CSMD1: variants seen among roughly 807,000 people sequenced by gnomAD.
The protein encoded by CSMD1 is CUB and sushi domain-containing protein 1.
A neutral mutation model predicts 417.5 loss-of-function variants in CSMD1; 213 were observed. That is an observed-to-expected ratio of 0.51 (90% CI 0.46 to 0.57). The LOEUF (loss-of-function observed/expected upper bound fraction) is 0.57, where lower values mean the gene tolerates loss of function less well. CSMD1 is among the 20% of genes least tolerant of loss of function. The pLI is 0.00. For missense variants in CSMD1, 6,923 were observed against 4,529.7 expected (o/e 1.53, Z -15.17); for synonymous variants, 2,862 against 1,736.8 (o/e 1.65, Z -16.11).
Position 4,342,788 on chromosome 8 carries a change from C to T in CSMD1, c.415+77165G>A, listed in dbSNP as rs117089196. On this transcript the variant is annotated intron_variant, in intron 3 of 69. Transcript: ENST00000635120. ...AGAAAAATAATACAAGCTCAAGGGA[C>T]TTGGAAAGGTGGTTCGTTCCTGCCA... Among the ~76,000 whole-genome samples the T allele has an allele frequency of 1.8e-3, 279 of 152,062 alleles. 5 individuals are homozygous for T. In the East Asian group the frequency reaches 0.05, roughly 27 times the overall value.
chr8:4,196,853 C>G (rs1799367993), intron 3 of CSMD1, among the ~76,000 whole-genome samples: 1 of 152,094 alleles, frequency 6.6e-6, no homozygotes. Context: ...CCTGCACATG[C>G]CTTCATAGAA....
intron 7 of CSMD1, among the ~76,000 whole-genome samples, chr8:3,701,936 G>T (rs984600163): frequency 1.3e-5 from 2 of 152,076 alleles, no homozygotes; most frequent in African/African-American, 4.8e-5. Context: ...TGTCTCTTTG[G>T]AAACTAGGGG....
intron 7 of CSMD1, among the ~76,000 whole-genome samples, chr8:3,678,832 T>G (rs1274969850): frequency 6.6e-6 from 1 of 152,168 alleles, no homozygotes; most frequent in Non-Finnish European, 1.5e-5. Flanking sequence ...GACTAACAGC[T>G]GATCTCTCAG....
chr8:3,387,599 A>T lies in CSMD1; in HGVS notation c.2677T>A (p.Ser893Thr), dbSNP rs1388953725. The change falls in exon 18 of 70, where the codon TCC becomes ACC. Residue 893 changes from serine (S) to threonine (T), a missense_variant. Coordinates refer to ENST00000635120, the MANE Select transcript of CSMD1 (RefSeq NM_033225.6). ...GGGTCACAGCTGAAAGTCACTGTGG[A>T]CCTGATGCCAAAGTCTCCACCGTGG... ...HRHGGDFGIRSTVTFSCDPGY... is the reference protein window; with the variant it reads ...HRHGGDFGIRTTVTFSCDPGY... 1 of 1,601,354 alleles carries T rather than the reference A, an allele frequency of 6.2e-7. No homozygotes were observed. The highest frequency in any genetic ancestry group is 1.7e-5 in the Admixed American group (1 of 58,368).
chr8:4,083,816 G>A (rs1428351400), intron 3 of CSMD1, among the ~76,000 whole-genome samples: 2 of 152,120 alleles, frequency 1.3e-5, no homozygotes, highest in Admixed American at 6.5e-5. Context: ...AAAAGCAATG[G>A]CAACAAAAGC....
chr8:3,956,125 G>T (rs1268927819), intron 5 of CSMD1, among the ~76,000 whole-genome samples: 1 of 152,160 alleles, frequency 6.6e-6, no homozygotes, highest in Non-Finnish European at 1.5e-5. Flanking sequence ...TTTAAGTTCT[G>T]ACCAGATCCT....
intron 3 of CSMD1, among the ~76,000 whole-genome samples, chr8:4,051,919 T>C (rs1193366220): frequency 4.0e-5 from 6 of 150,822 alleles, no homozygotes; most frequent in Admixed American, 6.6e-5. Flanking sequence ...TTCCTTTCTT[T>C]CTTTTTCTTT....
intron 3 of CSMD1, among the ~76,000 whole-genome samples, chr8:4,237,990 G>A (rs906123579): frequency 1.3e-5 from 2 of 152,204 alleles, no homozygotes; most frequent in Non-Finnish European, 2.9e-5. Context: ...ACAGAGGCAT[G>A]CACAGGCCTA....
chr8:3,577,559 AT>A (rs1800204791), intron 9 of CSMD1, among the ~76,000 whole-genome samples: 1 of 152,178 alleles, frequency 6.6e-6, no homozygotes, highest in Non-Finnish European at 1.5e-5. Flanking sequence ...TGATTTGTTC[AT>A]TTGTTTAACT....
intron 49 of CSMD1, among the ~76,000 whole-genome samples, chr8:3,069,359 T>C (rs1365016875): frequency 1.3e-5 from 2 of 150,394 alleles, no homozygotes; most frequent in Non-Finnish European, 1.5e-5. Context: ...CACTTGAAAC[T>C]GGAAGGTGGA....
At chr8:4,958,374 T>G (rs1253225548) in intron 1 of CSMD1, among the ~76,000 whole-genome samples, 1 of 152,138 alleles carries the variant, frequency 6.6e-6, no homozygotes, top group Non-Finnish European at 1.5e-5. Context: ...ACCCACCTAT[T>G]TTAAAACAAT....
In CSMD1 at chr8:4,267,103, G is replaced by C. The variant is rs1250539632; in HGVS notation, c.415+152850C>G. ...GTTTACTTCAATGTTATTTTTTTTTGAAAGTGCTTTCTAATGCAATTAGTT... is the reference window on the plus strand; with the variant it reads ...GTTTACTTCAATGTTATTTTTTTTTCAAAGTGCTTTCTAATGCAATTAGTT... On this transcript the variant is annotated intron_variant, in intron 3 of 69. Coordinates refer to ENST00000635120, the MANE Select transcript of CSMD1 (RefSeq NM_033225.6). 2.0e-5 allele frequency among the ~76,000 whole-genome samples: 2 copies of C among 101,694 alleles called. 1 individual carries two copies. Among genetic ancestry groups the C allele is most frequent in the African/African-American group, 5.3e-5 (2 of 37,722 alleles). The allele number at this position is 101,694 out of a possible 152,430, so 66.7% of individuals were successfully genotyped here.
intron 3 of CSMD1, among the ~76,000 whole-genome samples, chr8:4,153,318 C>T (rs12114710): frequency 9.1e-4 from 139 of 152,272 alleles, no homozygotes; most frequent in African/African-American, 2.9e-3. Context: ...TTCTCACTTC[C>T]GACATTGCCC....
At chr8:4,157,021 T>C (rs940741134) in intron 3 of CSMD1, among the ~76,000 whole-genome samples, 5 of 152,128 alleles carry the variant, frequency 3.3e-5, no homozygotes, top group East Asian at 1.9e-4. Context: ...TGGCCAGGCA[T>C]TGAGGGGCAT....
intron 2 of CSMD1, among the ~76,000 whole-genome samples, chr8:4,602,678 A>G (rs1247025317): frequency 6.6e-6 from 1 of 152,184 alleles, no homozygotes; most frequent in Non-Finnish European, 1.5e-5. Flanking sequence ...TTGGCTTGAA[A>G]TGACTTAATT....
chr8:3,545,335 T>C (rs1365553521), intron 10 of CSMD1, among the ~76,000 whole-genome samples: 1 of 152,236 alleles, frequency 6.6e-6, no homozygotes, highest in African/African-American at 2.4e-5. Context: ...CTACATAAAC[T>C]GGTAGCTTTA....
intron 3 of CSMD1, among the ~76,000 whole-genome samples, chr8:4,356,437 T>G (rs566195368): frequency 6.6e-6 from 1 of 152,214 alleles, no homozygotes; most frequent in Admixed American, 6.5e-5. Context: ...TAAACATGCA[T>G]GTACAAGTAT....
intron 7 of CSMD1, among the ~76,000 whole-genome samples, chr8:3,632,600 C>T (rs1345482158): frequency 1.3e-5 from 2 of 152,114 alleles, no homozygotes; most frequent in Non-Finnish European, 2.9e-5. Context: ...GGATTTACTA[C>T]CTAAATGTAA....
chr8:3,616,947 A>G (rs1802170344), intron 7 of CSMD1, 150 bp from the exon 8 acceptor site: 1 of 493,312 alleles, frequency 2.0e-6, no homozygotes, highest in Non-Finnish European at 3.6e-6. Context: ...ATACATTCAA[A>G]TAAGTGTTTA....
Sources: allele counts gnomAD v4.1 joint callset (sites outside exome capture counted in the v4.1 genomes callset), GRCh38; gene constraint gnomAD v4.1.1; transcripts MANE v1.5; gene names NCBI Gene and HGNC (gene_info 2026-07-23, HGNC 2026-07-21).